The following MAF variants were observed in gnomAD, a reference collection of about 807,000 sequenced individuals.
MAF encodes MAF bZIP transcription factor, also known as transcription factor Maf.
MAF carries 10 observed loss-of-function variants against 22.0 expected under a neutral mutation model. The observed-to-expected ratio is 0.45, with a 90% CI of 0.28 to 0.77. The LOEUF is 0.77. MAF is among the 30% of genes least tolerant of loss of function. The pLI is 0.12. For synonymous variants in MAF, 337 were observed against 255.8 expected, an observed-to-expected ratio of 1.32 and a Z score of -3.03; for missense variants, 544 against 548.4, an observed-to-expected ratio of 0.99 and a Z score of 0.08.
At chr16:79,533,041 C>A in the MAF span, among the ~76,000 whole-genome samples, 1 of 152,190 alleles carries the variant, frequency 6.6e-6, no homozygotes, top group South Asian at 2.1e-4. Context: ...ATGACTAATA[C>A]AGGAATGCCC....
the MAF span, among the ~76,000 whole-genome samples, chr16:79,397,317 T>C: frequency 6.6e-6 from 1 of 152,228 alleles, no homozygotes; most frequent in Non-Finnish European, 1.5e-5. Context: ...GAGAGTTAAA[T>C]GCAGATTAAT....
the MAF span, among the ~76,000 whole-genome samples, chr16:79,542,242 C>T: frequency 1.3e-5 from 2 of 152,114 alleles, no homozygotes; most frequent in African/African-American, 2.4e-5. Flanking sequence ...GAAGTCCAAG[C>T]GAGCTCCACG....
chr16:79,345,444 T>C, the MAF span, among the ~76,000 whole-genome samples: 1 of 152,114 alleles, frequency 6.6e-6, no homozygotes, highest in Non-Finnish European at 1.5e-5. Flanking sequence ...CATTAAAATA[T>C]TTTTTTGGCT....
the MAF span, among the ~76,000 whole-genome samples, chr16:79,463,148 C>T: frequency 1.3e-5 from 2 of 152,134 alleles, no homozygotes; most frequent in African/African-American, 4.8e-5. Context: ...ATGAGCTTGG[C>T]CTGTTTATGG....
the MAF span, among the ~76,000 whole-genome samples, chr16:79,256,530 T>G: frequency 6.6e-6 from 1 of 152,082 alleles, no homozygotes; most frequent in Non-Finnish European, 1.5e-5. Context: ...AAAATTCAGG[T>G]GACCACAGAC....
the MAF span, among the ~76,000 whole-genome samples, chr16:79,568,916 G>C: frequency 1.3e-5 from 2 of 152,174 alleles, no homozygotes; most frequent in African/African-American, 2.4e-5. Flanking sequence ...CACTGAGTCT[G>C]TTACTGTGCC....
the MAF span, among the ~76,000 whole-genome samples, chr16:79,346,878 T>C: frequency 6.6e-6 from 1 of 152,216 alleles, no homozygotes; most frequent in African/African-American, 2.4e-5. Context: ...ATGATGCTGT[T>C]AGCATTTGAT....
the MAF span, among the ~76,000 whole-genome samples, chr16:79,375,929 T>C: frequency 1.3e-5 from 2 of 152,174 alleles, no homozygotes; most frequent in Non-Finnish European, 2.9e-5. Context: ...TATCAAACAC[T>C]GCACTGGAGA....
chr16:79,311,837 A>G, the MAF span, among the ~76,000 whole-genome samples: 1 of 152,160 alleles, frequency 6.6e-6, no homozygotes, highest in Non-Finnish European at 1.5e-5. Context: ...GTGGGCATGA[A>G]GGACGGAGTG....
At chr16:79,529,066 C>A in the MAF span, among the ~76,000 whole-genome samples, 1 of 152,182 alleles carries the variant, frequency 6.6e-6, no homozygotes, top group Admixed American at 6.5e-5. Context: ...AGTAAGTCAA[C>A]CCAAGCTTTT....
the MAF span, among the ~76,000 whole-genome samples, chr16:79,494,524 T>C: frequency 3.3e-5 from 5 of 152,186 alleles, no homozygotes; most frequent in East Asian, 1.9e-4. Flanking sequence ...TGTGATCCGA[T>C]TGTATTCCCA....
chr16:79,250,356 G>A, the MAF span, among the ~76,000 whole-genome samples: 1 of 152,248 alleles, frequency 6.6e-6, no homozygotes, highest in Non-Finnish European at 1.5e-5. Flanking sequence ...CAGAGAGCAA[G>A]AAGGTCAAAC....
the MAF span, among the ~76,000 whole-genome samples, chr16:79,336,878 C>T: frequency 6.6e-6 from 1 of 152,178 alleles, no homozygotes; most frequent in Non-Finnish European, 1.5e-5. Context: ...GATTTATTTA[C>T]ATCTTCCATA....
At chr16:79,273,955 T>A in the MAF span, among the ~76,000 whole-genome samples, 1 of 16,286 alleles carries the variant, frequency 6.1e-5, no homozygotes. Context: ...CTGCCTTTTT[T>A]TTTTTTTTTT....
the MAF span, among the ~76,000 whole-genome samples, chr16:79,213,325 G>A: frequency 2.4e-4 from 37 of 152,292 alleles, 1 homozygote; most frequent in African/African-American, 8.7e-4. Flanking sequence ...GCCCTCCAGT[G>A]GCCCATAGCC....
At chr16:79,460,607 C>A in the MAF span, among the ~76,000 whole-genome samples, 2 of 152,136 alleles carry the variant, frequency 1.3e-5, no homozygotes, top group Non-Finnish European at 2.9e-5. Context: ...ATTAATTCTT[C>A]CATGCAATGT....
chr16:79,504,592 T>C, the MAF span, among the ~76,000 whole-genome samples: 1 of 152,066 alleles, frequency 6.6e-6, no homozygotes, highest in Admixed American at 6.5e-5. Flanking sequence ...GATGGATGGA[T>C]GGATGGATAA....
At chr16:79,411,172 G>C in the MAF span, among the ~76,000 whole-genome samples, 6 of 152,070 alleles carry the variant, frequency 3.9e-5, no homozygotes, top group South Asian at 1.2e-3. Flanking sequence ...CCTTGATTTT[G>C]TTCGCCTTGC....
At chr16:79,383,047 G>T in the MAF span, among the ~76,000 whole-genome samples, 28 of 152,232 alleles carry the variant, frequency 1.8e-4, no homozygotes, top group African/African-American at 6.5e-4. Context: ...TCTATAAATA[G>T]GGGCAAAAGA....
Sources: allele counts gnomAD v4.1 joint callset (sites outside exome capture counted in the v4.1 genomes callset), GRCh38; gene constraint gnomAD v4.1.1; transcripts MANE v1.5; gene names NCBI Gene and HGNC (gene_info 2026-07-23, HGNC 2026-07-21).